Variants in FRMPD4 observed in about 807,000 individuals in gnomAD.
FRMPD4 encodes FERM and PDZ domain-containing protein 4.
Under a neutral mutation model 94.1 loss-of-function variants are expected in FRMPD4, and 22 were observed. The ratio of observed to expected loss-of-function variants is 0.23; its 90% CI spans 0.17 to 0.33. The LOEUF is 0.33. FRMPD4 is among the 10% of genes least tolerant of loss of function. The pLI, the probability that FRMPD4 is intolerant of heterozygous loss-of-function variation, is 1.00. For synonymous variants in FRMPD4, 631 were observed against 548.6 expected, an observed-to-expected ratio of 1.15 and a Z score of -2.10; for missense variants, 1,111 against 1,339.9, an observed-to-expected ratio of 0.83 and a Z score of 2.67.
chrX:12,034,990 A>T (rs920351160), intron 3 of FRMPD4, among the ~76,000 whole-genome samples: 5 of 112,114 alleles, frequency 4.5e-5, no homozygotes, highest in Non-Finnish European at 9.4e-5. Context: ...CCATGAAGTC[A>T]GCAGAGAAAG....
chrX:12,280,459 A>G (rs2054507071), intron 1 of FRMPD4, among the ~76,000 whole-genome samples: 2 of 108,359 alleles, frequency 1.8e-5, no homozygotes, highest in African/African-American at 6.8e-5. Context: ...ACCTGAAAAA[A>G]CCCATCTGCC....
intron 5 of FRMPD4, among the ~76,000 whole-genome samples, chrX:12,676,698 G>A (rs2059904549): frequency 8.9e-6 from 1 of 112,340 alleles, no homozygotes; most frequent in Admixed American, 9.4e-5. Context: ...TGGAGTCCAT[G>A]TGACTTGTTA....
chrX:12,020,278 G>A (rs148360719), intron 3 of FRMPD4, among the ~76,000 whole-genome samples: 185 of 112,342 alleles, frequency 1.6e-3, no homozygotes, highest in African/African-American at 5.7e-3. Context: ...TACTGTTTAA[G>A]GTGATGCAAC....
Position 12,562,255 on chromosome X carries a change from T to C in FRMPD4, c.159-47466T>C, listed in dbSNP as rs547245995. Among the ~76,000 whole-genome samples the C allele has an allele frequency of 2.4e-4, 27 of 112,906 alleles. 1 individual carries two copies. The South Asian group carries it at 9.1e-3, about 38-fold the overall frequency. ...CTTTCTGTAACTTAAAAATACTTTT[T>C]TCTTAAAGTTCTATGTTCTTATGAG... On this transcript the variant is annotated intron_variant, in intron 2 of 16. Coordinates refer to ENST00000675598, the MANE Select transcript of FRMPD4 (RefSeq NM_001368397.1).
intron 4 of FRMPD4, among the ~76,000 whole-genome samples, chrX:12,655,975 G>A (rs1050023056): frequency 5.3e-5 from 6 of 112,171 alleles, no homozygotes; most frequent in Non-Finnish European, 1.1e-4. Flanking sequence ...AACTGACAAA[G>A]CTTTAACTAC....
At chrX:11,990,441 G>A (rs376524651) in intron 3 of FRMPD4, among the ~76,000 whole-genome samples, 255 of 111,675 alleles carry the variant, frequency 2.3e-3, no homozygotes, top group African/African-American at 8.0e-3. Flanking sequence ...CTTTAAAATG[G>A]CTAATTTTAT....
intron 1 of FRMPD4, among the ~76,000 whole-genome samples, chrX:12,157,601 A>C (rs762932392): frequency 3.6e-5 from 4 of 112,113 alleles, no homozygotes; most frequent in Non-Finnish European, 7.5e-5. Flanking sequence ...GCTAGCATCT[A>C]CTGAGGCGCT....
Position 12,619,770 on chromosome X carries a change from C to T in FRMPD4, c.422+4889C>T, listed in dbSNP as rs938461008. On this transcript the variant is annotated intron_variant, in intron 4 of 16. Transcript: ENST00000675598. ...TGACCAAGCTCCAGCCTCTCTCAGCCATTGTCTGCGAGCAGTCCCACCTGT... is the reference window on the plus strand; with the variant it reads ...TGACCAAGCTCCAGCCTCTCTCAGCTATTGTCTGCGAGCAGTCCCACCTGT... Among the ~76,000 whole-genome samples, 65 of 112,283 alleles carry T rather than the reference C, an allele frequency of 5.8e-4. 1 individual carries two copies. The highest frequency in any genetic ancestry group is 5.5e-3 in the Admixed American group (59 of 10,690).
intron 1 of FRMPD4, among the ~76,000 whole-genome samples, chrX:12,256,651 C>T (rs189910097): frequency 8.9e-6 from 1 of 112,049 alleles, no homozygotes; most frequent in Non-Finnish European, 1.9e-5. Context: ...GTGTGTACCT[C>T]GGTGCTTCCC....
In FRMPD4 at chrX:12,609,811, G is replaced by A. The variant is rs761069076; in HGVS notation, c.249G>A (p.Arg83=). 3.3e-6 allele frequency: 4 copies of A among 1,208,962 alleles called. No individual in the cohort carries two copies. Among genetic ancestry groups the A allele is most frequent in the East Asian group, 3.0e-5 (1 of 33,760 alleles). ...PPAPRKVEMR[R]DPVLGFGFVA... ...CTCCTCGGAAGGTGGAGATGAGAAG[G>A]GACCCCGTGCTGGGATTTGGTTTTG... The change falls in exon 3 of 17, where the codon AGG becomes AGA. Residue 83 remains arginine (R), a synonymous_variant. Coordinates refer to ENST00000675598, the MANE Select transcript of FRMPD4 (RefSeq NM_001368397.1).
At chrX:12,438,882 T>A (rs957928177) in intron 1 of FRMPD4, among the ~76,000 whole-genome samples, 1 of 111,023 alleles carries the variant, frequency 9.0e-6, no homozygotes, top group Non-Finnish European at 1.9e-5. Context: ...TGATTTCCAT[T>A]TTATGGATGA....
chrX:11,982,693 C>T (rs777415197), intron 3 of FRMPD4, among the ~76,000 whole-genome samples: 78 of 111,496 alleles, frequency 7.0e-4, no homozygotes, highest in African/African-American at 2.5e-3. Context: ...TTTAATCTGT[C>T]TATTAAGGTT....
At chrX:11,840,383 T>A (rs2053527451) in intron 1 of FRMPD4, among the ~76,000 whole-genome samples, 1 of 111,730 alleles carries the variant, frequency 9.0e-6, no homozygotes, top group Non-Finnish European at 1.9e-5. Flanking sequence ...TACATAGGAA[T>A]ACAATTAATT....
chrX:12,548,268 G>A (rs2058499291), intron 2 of FRMPD4, among the ~76,000 whole-genome samples: 1 of 111,993 alleles, frequency 8.9e-6, no homozygotes, highest in Non-Finnish European at 1.9e-5. Context: ...AAAAAAGTGA[G>A]TTTAAATGAA....
At position 12,039,784 on chromosome X, in the gene FRMPD4, A is replaced by C. The variant is rs747012359; in HGVS notation, c.95+161766A>C. Among the ~76,000 whole-genome samples, 206 of 109,238 alleles carry C rather than the reference A, an allele frequency of 1.9e-3. 1 individual carries two copies. The highest frequency in any genetic ancestry group is 3.5e-3 in the Non-Finnish European group (184 of 52,573). The allele number at this position is 109,238 out of a possible 115,157, so 94.9% of individuals were successfully genotyped here. On this transcript the variant is annotated intron_variant, in intron 3 of 18. Coordinates refer to the FRMPD4 transcript ENST00000640291. ...AGGGACTCGGAGACCAGCCTGACCA[A>C]CGTGGAGAAACCCCATCTCTACTAA...
chrX:11,951,576 C>T (rs979348508), intron 3 of FRMPD4, among the ~76,000 whole-genome samples: 6 of 111,391 alleles, frequency 5.4e-5, no homozygotes, highest in Admixed American at 9.6e-5. Flanking sequence ...GAACAACAGA[C>T]GCTGGGGCCT....
At chrX:11,971,964 CT>C (rs2054342503) in intron 3 of FRMPD4, among the ~76,000 whole-genome samples, 1 of 111,800 alleles carries the variant, frequency 8.9e-6, no homozygotes, top group African/African-American at 3.3e-5. Context: ...ACAGATGCCC[CT>C]ATTCTCAAGT....
intron 3 of FRMPD4, among the ~76,000 whole-genome samples, chrX:11,886,772 T>C (rs1487427502): frequency 9.0e-6 from 1 of 111,215 alleles, no homozygotes; most frequent in Non-Finnish European, 1.9e-5. Context: ...TATTTCTCCA[T>C]TTAATTTTAT....
intron 1 of FRMPD4, among the ~76,000 whole-genome samples, chrX:11,859,160 T>A (rs2053670683): frequency 8.9e-6 from 1 of 111,858 alleles, no homozygotes; most frequent in African/African-American, 3.2e-5. Flanking sequence ...CTATTTGACA[T>A]TTATTTAATT....
Sources: allele counts gnomAD v4.1 joint callset (sites outside exome capture counted in the v4.1 genomes callset), GRCh38; gene constraint gnomAD v4.1.1; transcripts MANE v1.5; gene names NCBI Gene and HGNC (gene_info 2026-07-23, HGNC 2026-07-21).